The following ZBTB20 variants were observed in gnomAD, a reference collection of about 807,000 sequenced individuals.
The protein encoded by ZBTB20 is zinc finger and BTB domain-containing protein 20.
ZBTB20 carries 9 observed loss-of-function variants against 56.9 expected under a neutral mutation model. That is an observed-to-expected ratio of 0.16 (90% CI 0.10 to 0.28). The LOEUF (loss-of-function observed/expected upper bound fraction) is 0.28. ZBTB20 is among the 10% of genes least tolerant of loss of function. The pLI is 1.00. For missense variants in ZBTB20, 655 were observed against 1,003.0 expected, an observed-to-expected ratio of 0.65 and a Z score of 4.69; for synonymous variants, 417 against 420.7, an observed-to-expected ratio of 0.99 and a Z score of 0.11.
intron 6 of ZBTB20, among the ~76,000 whole-genome samples, chr3:114,569,234 T>C (rs1442361744): frequency 6.6e-6 from 1 of 152,198 alleles, no homozygotes; most frequent in East Asian, 1.9e-4. Context: ...GGTGAGATGA[T>C]TCTAATCAGA....
At chr3:114,397,157 A>C (rs1559735024) in intron 7 of ZBTB20, among the ~76,000 whole-genome samples, 1 of 152,060 alleles carries the variant, frequency 6.6e-6, no homozygotes. Flanking sequence ...ATCAACTGTG[A>C]ATCTGTATCA....
chr3:114,594,823 T>C (rs1299491749), intron 6 of ZBTB20, among the ~76,000 whole-genome samples: 1 of 152,152 alleles, frequency 6.6e-6, no homozygotes, highest in Non-Finnish European at 1.5e-5. Context: ...AAATTATGGT[T>C]AATGCTGTGT....
chr3:114,722,003 T>C (rs2064952882), intron 5 of ZBTB20, among the ~76,000 whole-genome samples: 1 of 152,232 alleles, frequency 6.6e-6, no homozygotes, highest in African/African-American at 2.4e-5. Context: ...AAATGATTCT[T>C]CTTTCTAGTT....
At chr3:115,100,784 T>C (rs2083559089) in intron 1 of ZBTB20, among the ~76,000 whole-genome samples, 1 of 152,230 alleles carries the variant, frequency 6.6e-6, no homozygotes, top group African/African-American at 2.4e-5. Flanking sequence ...ATCTTTTAAA[T>C]TTATTTTTAA....
chr3:115,129,643 A>C (rs1323199849), intron 1 of ZBTB20, among the ~76,000 whole-genome samples: 2 of 152,202 alleles, frequency 1.3e-5, no homozygotes, highest in Non-Finnish European at 2.9e-5. Context: ...CAGATTACAA[A>C]GCTGTATTTA....
chr3:114,405,636 A>G (rs1379015281), intron 7 of ZBTB20, among the ~76,000 whole-genome samples: 1 of 152,158 alleles, frequency 6.6e-6, no homozygotes, highest in African/African-American at 2.4e-5. Flanking sequence ...AACCTCACTC[A>G]TGGTATTCCT....
intron 3 of ZBTB20, among the ~76,000 whole-genome samples, chr3:114,932,037 T>A (rs1482571359): frequency 6.6e-6 from 1 of 152,182 alleles, no homozygotes; most frequent in African/African-American, 2.4e-5. Flanking sequence ...TTCCTAGACA[T>A]CCTATTTTTG....
intron 7 of ZBTB20, among the ~76,000 whole-genome samples, chr3:114,400,971 T>A (rs979813341): frequency 1.3e-5 from 2 of 152,036 alleles, no homozygotes; most frequent in Non-Finnish European, 2.9e-5. Flanking sequence ...ACAAGCAGCA[T>A]GAATCATGTC....
chr3:114,576,351 AATT>A (rs2054016799), intron 6 of ZBTB20, among the ~76,000 whole-genome samples: 1 of 151,216 alleles, frequency 6.6e-6, no homozygotes, highest in Non-Finnish European at 1.5e-5. Context: ...TACAAAAAGA[AATT>A]AGCCAGGCGT....
chr3:114,764,910 T>A (rs189843131), intron 5 of ZBTB20, among the ~76,000 whole-genome samples: 18 of 152,288 alleles, frequency 1.2e-4, no homozygotes, highest in East Asian at 7.7e-4. Flanking sequence ...CATCATTACT[T>A]ACCAAGGAGA....
intron 6 of ZBTB20, among the ~76,000 whole-genome samples, chr3:114,622,289 C>A (rs866903012): frequency 6.6e-6 from 1 of 151,854 alleles, no homozygotes; most frequent in East Asian, 1.9e-4. Context: ...ATTGTAAACA[C>A]CATTTCCCTT....
At chr3:114,807,970 G>GT (rs768613437) in intron 4 of ZBTB20, among the ~76,000 whole-genome samples, 11 of 151,990 alleles carry the variant, frequency 7.2e-5, no homozygotes, top group Non-Finnish European at 1.2e-4. Context: ...TGATGTCTTT[G>GT]TCTGGCTTTG....
At chr3:114,859,254 T>TCCC (rs2075387602) in intron 4 of ZBTB20, among the ~76,000 whole-genome samples, 2 of 48,658 alleles carry the variant, frequency 4.1e-5, no homozygotes, top group Non-Finnish European at 2.0e-4. Context: ...CTTCTTTCTT[T>TCCC]TCCTCCTTCC....
At chr3:114,544,509 T>G (rs2049609544) in intron 6 of ZBTB20, among the ~76,000 whole-genome samples, 1 of 146,752 alleles carries the variant, frequency 6.8e-6, no homozygotes, top group Non-Finnish European at 1.5e-5. Flanking sequence ...TTTCTTTCTT[T>G]CTTTTTTTTT....
intron 6 of ZBTB20, chr3:114,688,391 A>AG (rs2062483732): frequency 3.5e-5 from 1 of 28,416 alleles, no homozygotes; most frequent in Non-Finnish European, 3.3e-4. Context: ...ATAAAAGTTG[A>AG]AAAAAAAAAA....
chr3:114,900,822 A>C (rs781583737), intron 3 of ZBTB20, among the ~76,000 whole-genome samples: 1 of 152,184 alleles, frequency 6.6e-6, no homozygotes, highest in African/African-American at 2.4e-5. Flanking sequence ...TGCATGAATA[A>C]ATGAAAGTAA....
chr3:114,792,095 G>C (rs1470048334), intron 5 of ZBTB20: 1 of 152,100 alleles, frequency 6.6e-6, no homozygotes, highest in Non-Finnish European at 1.5e-5. Context: ...AGAGTCACAA[G>C]CTCCTGATTG....
chr3:114,360,584 C>A (rs1211851280), intron 10 of ZBTB20, among the ~76,000 whole-genome samples: 1 of 151,734 alleles, frequency 6.6e-6, no homozygotes, highest in Non-Finnish European at 1.5e-5. Flanking sequence ...AACTCCTTAC[C>A]TTGTGATCTG....
intron 10 of ZBTB20, among the ~76,000 whole-genome samples, chr3:114,374,197 C>G (rs975045453): frequency 1.3e-5 from 2 of 152,128 alleles, no homozygotes; most frequent in Admixed American, 6.5e-5. Flanking sequence ...TCTTTAATGA[C>G]AGGAAATCCA....
Sources: allele counts gnomAD v4.1 joint callset (sites outside exome capture counted in the v4.1 genomes callset), GRCh38; gene constraint gnomAD v4.1.1; transcripts MANE v1.5; gene names NCBI Gene and HGNC (gene_info 2026-07-23, HGNC 2026-07-21).